The following LRRC37A2 variants were observed in gnomAD, a reference collection of about 807,000 sequenced individuals.
The protein encoded by LRRC37A2 is leucine rich repeat containing 37 member A2, also known as leucine-rich repeat-containing protein 37A2.
A neutral mutation model predicts 68.8 loss-of-function variants in LRRC37A2; 9 were observed. The ratio of observed to expected loss-of-function variants is 0.13; its 90% CI spans 0.08 to 0.23. The LOEUF is 0.23. Ranked by LOEUF, LRRC37A2 falls within the 10% of genes least tolerant of loss-of-function variation. The pLI, the probability that LRRC37A2 is intolerant of heterozygous loss-of-function variation, is 1.00. For missense variants in LRRC37A2, 168 were observed against 950.4 expected (o/e 0.18, Z 10.82); for synonymous variants, 63 against 367.6 (o/e 0.17, Z 9.48).
the LRRC37A2 span, among the ~76,000 whole-genome samples, chr17:46,749,376 A>G: frequency 6.6e-6 from 1 of 152,236 alleles, no homozygotes; most frequent in Non-Finnish European, 1.5e-5. Flanking sequence ...AAAGTGTACT[A>G]AAGCCTTGTA....
chr17:46,550,772 A>ATAT lies in LRRC37A2; in HGVS notation c.4809+253_4809+254insTAT, dbSNP rs1369577509. ...CCCACTAGACTATTTTAAGAAGTCG[A>ATAT]AAATTTCTCCCACCCAAAACTATGT... On this transcript the variant is annotated intron_variant, in intron 11 of 14. Coordinates refer to ENST00000576629, the Ensembl canonical transcript of LRRC37A2. Among the ~76,000 whole-genome samples the ATAT allele has an allele frequency of 1.4e-3, 114 of 80,460 alleles. 1 individual carries two copies. Among genetic ancestry groups the ATAT allele is most frequent in the Middle Eastern group, 0.01 (1 of 98 alleles). 52.8% of individuals were successfully genotyped at this position (80,460 alleles called of 152,430 possible). A position where few individuals can be genotyped will look rare whatever the true frequency, so the allele number is the denominator to read the frequency against.
the LRRC37A2 span, chr17:46,722,030 G>A: frequency 6.8e-6 from 11 of 1,607,380 alleles, no homozygotes; most frequent in African/African-American, 2.7e-5. Context: ...CTTGGCTGCC[G>A]TAATATTCAG....
At chr17:46,853,397 A>C in the LRRC37A2 span, among the ~76,000 whole-genome samples, 22 of 107,070 alleles carry the variant, frequency 2.1e-4, no homozygotes, top group African/African-American at 8.4e-4. Context: ...TTTAAGACGG[A>C]GTCTCCCTCT....
the LRRC37A2 span, among the ~76,000 whole-genome samples, chr17:46,381,481 TCAAGTAG>T: frequency 1.5e-4 from 1 of 6,534 alleles, no homozygotes; most frequent in Non-Finnish European, 5.2e-4. Flanking sequence ...ACTCTTTTTT[TCAAGTAG>T]TTAAGTTAAG....
chr17:46,977,837 T>G, the LRRC37A2 span, among the ~76,000 whole-genome samples: 1 of 152,272 alleles, frequency 6.6e-6, no homozygotes, highest in South Asian at 2.1e-4. Context: ...TGTTCACATT[T>G]TCTTCGTTTT....
the LRRC37A2 span, among the ~76,000 whole-genome samples, chr17:46,969,859 G>A: frequency 6.6e-6 from 1 of 152,104 alleles, no homozygotes; most frequent in African/African-American, 2.4e-5. Flanking sequence ...TACCTTTCGC[G>A]ATCCCCTTGC....
chr17:47,000,048 TA>T, the LRRC37A2 span, among the ~76,000 whole-genome samples: 15 of 27,852 alleles, frequency 5.4e-4, no homozygotes, highest in East Asian at 0.01. Flanking sequence ...TAAAATAAAA[TA>T]AAATAAAATA....
the LRRC37A2 span, chr17:46,872,723 A>C: frequency 6.8e-7 from 1 of 1,460,774 alleles, no homozygotes; most frequent in Non-Finnish European, 9.2e-7. Context: ...CAGTTCCGGC[A>C]TGAGCGCTGG....
At chr17:46,851,540 C>T in the LRRC37A2 span, 2 of 595,610 alleles carry the variant, frequency 3.4e-6, no homozygotes, top group Non-Finnish European at 4.8e-6. The surrounding 1 kb of genome is among the most constrained non-coding windows in gnomAD (Gnocchi z 4.3). Flanking sequence ...GCCGCCTGCC[C>T]CGCCCCACCC....
chr17:46,852,606 G>T, the LRRC37A2 span, among the ~76,000 whole-genome samples: 1 of 152,080 alleles, frequency 6.6e-6, no homozygotes, highest in African/African-American at 2.4e-5. Context: ...GAATTGCAGG[G>T]ATTTGGTGAG....
the LRRC37A2 span, among the ~76,000 whole-genome samples, chr17:46,823,194 A>ATT: frequency 1.6e-5 from 2 of 127,958 alleles, no homozygotes; most frequent in African/African-American, 6.5e-5. Flanking sequence ...TATATTATAT[A>ATT]TATTTATATA....
the LRRC37A2 span, among the ~76,000 whole-genome samples, chr17:46,926,840 T>C: frequency 6.6e-6 from 1 of 152,236 alleles, no homozygotes; most frequent in African/African-American, 2.4e-5. Flanking sequence ...CAGTGGATTA[T>C]GGGCCTGTAC....
chr17:46,799,732 G>A, the LRRC37A2 span, among the ~76,000 whole-genome samples: 1 of 152,146 alleles, frequency 6.6e-6, no homozygotes, highest in Non-Finnish European at 1.5e-5. Context: ...ACAGGCATGA[G>A]CCACTGCGCC....
At chr17:46,935,243 A>G in the LRRC37A2 span, 4 of 1,609,650 alleles carry the variant, frequency 2.5e-6, no homozygotes, top group Non-Finnish European at 3.4e-6. Context: ...AACTGTGTTT[A>G]TATTTTGATT....
At chr17:47,024,025 TA>T in the LRRC37A2 span, among the ~76,000 whole-genome samples, 1 of 152,358 alleles carries the variant, frequency 6.6e-6, no homozygotes, top group African/African-American at 2.4e-5. Context: ...TGATCTTTTG[TA>T]ACGATGTTTA....
At chr17:46,771,066 G>A in the LRRC37A2 span, among the ~76,000 whole-genome samples, 3 of 152,180 alleles carry the variant, frequency 2.0e-5, no homozygotes, top group Admixed American at 6.5e-5. Flanking sequence ...TCCCCTCCTG[G>A]GCTGTGGGCC....
chr17:46,816,837 G>A, the LRRC37A2 span, among the ~76,000 whole-genome samples: 4 of 152,162 alleles, frequency 2.6e-5, no homozygotes, highest in Non-Finnish European at 4.4e-5. Context: ...AAAGCAAGGC[G>A]AAAAACGGCA....
chr17:46,814,726 T>A, the LRRC37A2 span, among the ~76,000 whole-genome samples: 1 of 152,298 alleles, frequency 6.6e-6, no homozygotes, highest in African/African-American at 2.4e-5. Context: ...TCCCCCGCAG[T>A]CTCCAGGTGC....
the LRRC37A2 span, chr17:46,755,306 G>A: frequency 1.2e-6 from 2 of 1,610,366 alleles, no homozygotes; most frequent in Admixed American, 1.7e-5. Context: ...TTCTTCTGAT[G>A]TATTTAGATG....
Sources: gnomAD v4.1 joint callset for allele counts (sites outside exome capture counted in the v4.1 genomes callset) on GRCh38, gnomAD v4.1.1 for gene constraint, Gnocchi (gnomAD v3.1) non-coding constraint, MANE v1.5 for transcripts, NCBI Gene and HGNC (gene_info 2026-07-23, HGNC 2026-07-21) for gene names.